The following IL1RAPL1 variants were observed in gnomAD, a reference collection of about 807,000 sequenced individuals.
The protein encoded by IL1RAPL1 is interleukin-1 receptor accessory protein-like 1.
Under a neutral mutation model 48.4 loss-of-function variants are expected in IL1RAPL1, and 3 were observed. The observed-to-expected ratio is 0.06, with a 90% CI of 0.03 to 0.16. The LOEUF is 0.16. Ranked by LOEUF, IL1RAPL1 falls within the 10% of genes least tolerant of loss-of-function variation. The probability of loss-of-function intolerance (pLI) is 1.00; values close to 1 mark genes in which losing one functional copy is unlikely to be tolerated. For synonymous variants in IL1RAPL1, 185 were observed against 187.7 expected (o/e 0.99, Z 0.12); for missense variants, 349 against 530.6 (o/e 0.66, Z 3.36).
chrX:28,858,677 T>C (rs1288679867), intron 2 of IL1RAPL1, among the ~76,000 whole-genome samples: 1 of 112,759 alleles, frequency 8.9e-6, no homozygotes, highest in Admixed American at 9.4e-5. Flanking sequence ...ACATAACTTT[T>C]ATATGCACCG....
intron 5 of IL1RAPL1, among the ~76,000 whole-genome samples, chrX:29,511,841 A>ATCTTGGTCTGTCTTTCTCTCTCCC (rs2147767043): frequency 9.0e-6 from 1 of 111,229 alleles, no homozygotes; most frequent in African/African-American, 3.3e-5. Context: ...CAGTCTCTCA[A>ATCTTGGTCTGTCTTTCTCTCTCCC]TCTTGGTCTG....
chrX:29,439,694 T>C (rs1934520349), intron 5 of IL1RAPL1, among the ~76,000 whole-genome samples: 1 of 110,886 alleles, frequency 9.0e-6, no homozygotes, highest in Admixed American at 9.6e-5. Flanking sequence ...CTATAAAGAA[T>C]GTTTCCCTTG....
At chrX:29,376,799 T>A (rs1933630191) in intron 3 of IL1RAPL1, among the ~76,000 whole-genome samples, 1 of 112,255 alleles carries the variant, frequency 8.9e-6, no homozygotes, top group Non-Finnish European at 1.9e-5. Flanking sequence ...TGACTAAGCA[T>A]GTGGTTTATC....
intron 2 of IL1RAPL1, among the ~76,000 whole-genome samples, chrX:29,074,835 A>T (rs1033245360): frequency 8.9e-5 from 10 of 112,183 alleles, no homozygotes; most frequent in Non-Finnish European, 1.9e-4. Flanking sequence ...TGTGACTATG[A>T]TTATTCACTT....
At chrX:28,599,180 G>T (rs1453140624) in intron 1 of IL1RAPL1, among the ~76,000 whole-genome samples, 1 of 106,748 alleles carries the variant, frequency 9.4e-6, no homozygotes, top group East Asian at 3.0e-4. Flanking sequence ...GGGAGGTGGA[G>T]GTTGCAGTGA....
chrX:29,916,778 T>A (rs1932802938), intron 6 of IL1RAPL1, among the ~76,000 whole-genome samples: 1 of 112,094 alleles, frequency 8.9e-6, no homozygotes. Context: ...CTGACCAATC[T>A]GTATTCACCA....
intron 5 of IL1RAPL1, among the ~76,000 whole-genome samples, chrX:29,415,905 T>G (rs919370531): frequency 8.9e-6 from 1 of 112,124 alleles, no homozygotes; most frequent in African/African-American, 3.2e-5. Flanking sequence ...ATGTTATTTT[T>G]CAAAATGAAC....
rs1229598721 is a variant in IL1RAPL1 at position 28,710,041 on chromosome X, T to C, written c.-24-79279T>C. Reference sequence around the variant, plus strand: ...ACAGCGAGAGATGCTTGTAATTTATTGTACAGTGGAACAAAGTGATTTGAT... The same window carrying C: ...ACAGCGAGAGATGCTTGTAATTTATCGTACAGTGGAACAAAGTGATTTGAT... On this transcript the variant is annotated intron_variant, in intron 1 of 10. Coordinates refer to ENST00000378993, the MANE Select transcript of IL1RAPL1 (RefSeq NM_014271.4). Among the ~76,000 whole-genome samples, 18 of 111,620 alleles carry C rather than the reference T, an allele frequency of 1.6e-4. No homozygotes were observed. In the Admixed American group the frequency reaches 1.7e-3, roughly 11 times the overall value.
At chrX:29,114,837 T>C (rs1032361775) in intron 2 of IL1RAPL1, among the ~76,000 whole-genome samples, 1 of 110,598 alleles carries the variant, frequency 9.0e-6, no homozygotes, top group Admixed American at 9.7e-5. Flanking sequence ...ACCATGTTGG[T>C]CAGGCTGGTC....
chrX:29,338,731 C>G (rs1933031750), intron 3 of IL1RAPL1, among the ~76,000 whole-genome samples: 1 of 111,059 alleles, frequency 9.0e-6, no homozygotes, highest in Non-Finnish European at 1.9e-5. Flanking sequence ...CTGTCTGTCT[C>G]TCCATTTCTT....
intron 2 of IL1RAPL1, among the ~76,000 whole-genome samples, chrX:29,092,411 A>C (rs1232010411): frequency 8.9e-6 from 1 of 111,968 alleles, no homozygotes; most frequent in Non-Finnish European, 1.9e-5. Flanking sequence ...ACTGTTTCCC[A>C]AACTTAAGTG....
At chrX:29,420,482 G>C (rs1934277897) in intron 5 of IL1RAPL1, among the ~76,000 whole-genome samples, 1 of 111,649 alleles carries the variant, frequency 9.0e-6, no homozygotes, top group Middle Eastern at 4.2e-3. Flanking sequence ...CATCTCTTCT[G>C]GTCAACCTTC....
chrX:29,436,820 A>G (rs1452836301), intron 5 of IL1RAPL1, among the ~76,000 whole-genome samples: 1 of 110,741 alleles, frequency 9.0e-6, no homozygotes, highest in Non-Finnish European at 1.9e-5. Flanking sequence ...TTTAGAAAAG[A>G]TATTACTTTA....
At chrX:29,819,948 A>G (rs1287062897) in intron 6 of IL1RAPL1, among the ~76,000 whole-genome samples, 1 of 105,546 alleles carries the variant, frequency 9.5e-6, no homozygotes, top group Non-Finnish European at 1.9e-5. Flanking sequence ...TACAGTTAAA[A>G]GAATATAAGC....
chrX:29,513,420 G>A (rs6630887), intron 5 of IL1RAPL1, among the ~76,000 whole-genome samples: 1 of 110,285 alleles, frequency 9.1e-6, no homozygotes, highest in Admixed American at 9.6e-5. Flanking sequence ...TGCTACAGCA[G>A]AATTTATTTA....
chrX:29,156,652 C>T (rs1303711379), intron 2 of IL1RAPL1, among the ~76,000 whole-genome samples: 1 of 111,438 alleles, frequency 9.0e-6, no homozygotes, highest in African/African-American at 3.3e-5. Context: ...TAGTCACAGC[C>T]CCTGAAAACA....
chrX:28,968,276 ATTAG>A (rs1373611263), intron 2 of IL1RAPL1, among the ~76,000 whole-genome samples: 7 of 111,707 alleles, frequency 6.3e-5, no homozygotes, highest in African/African-American at 1.3e-4. Context: ...GTATATAATT[ATTAG>A]TTAGCTAATG....
intron 2 of IL1RAPL1, among the ~76,000 whole-genome samples, chrX:28,821,850 C>T (rs73630100): frequency 4.1e-4 from 46 of 111,168 alleles, no homozygotes; most frequent in Non-Finnish European, 7.2e-4. Flanking sequence ...AAATCTAAAT[C>T]AAATTGGCCT....
chrX:28,733,395 T>C (rs1450143935), intron 1 of IL1RAPL1, among the ~76,000 whole-genome samples: 2 of 110,747 alleles, frequency 1.8e-5, no homozygotes, highest in African/African-American at 6.6e-5. Context: ...GCTTGCTCTC[T>C]TCTCATTTCT....
Sources: allele counts gnomAD v4.1 joint callset (sites outside exome capture counted in the v4.1 genomes callset), GRCh38; gene constraint gnomAD v4.1.1; transcripts MANE v1.5; gene names NCBI Gene and HGNC (gene_info 2026-07-23, HGNC 2026-07-21).